The following BRCA2 variants were observed in gnomAD, a reference collection of about 807,000 sequenced individuals.
BRCA2 encodes BRCA2 DNA repair associated.
BRCA2 carries 203 observed loss-of-function variants against 276.7 expected under a neutral mutation model. The ratio of observed to expected loss-of-function variants is 0.73; its 90% CI spans 0.65 to 0.82. The LOEUF is 0.82. BRCA2 is among the 40% of genes least tolerant of loss of function. BRCA2 has a pLI of 0.00. For synonymous variants in BRCA2, 1,289 were observed against 1,338.4 expected (o/e 0.96, Z 0.81); for missense variants, 3,920 against 3,915.0 (o/e 1.00, Z -0.03).
chr13:32,356,765 A>G (rs1330278645), intron 15 of BRCA2, among the ~76,000 whole-genome samples, 156 bp downstream of exon 15: 2 of 152,256 alleles, frequency 1.3e-5, no homozygotes, highest in Non-Finnish European at 2.9e-5. Flanking sequence ...CTGCAGTGGC[A>G]GCCTCTGGCC....
chr13:32,329,554 A>C, intron 8 of BRCA2, 62 bp downstream of exon 8: 1 of 1,258,078 alleles, frequency 7.9e-7, no homozygotes, highest in Non-Finnish European at 1.1e-6. Flanking sequence ...ATGCCTTGTT[A>C]AATTATTTAT....
In BRCA2 at chr13:32,326,604, G is replaced by C. The variant is rs1593887544; in HGVS notation, c.622G>C (p.Val208Leu). Reference sequence around the variant, plus strand: ...TACACCACCCACCCTTAGTTCTACTGTGCTCATAGGTAATAATAGCAAATG... The same window carrying C: ...TACACCACCCACCCTTAGTTCTACTCTGCTCATAGGTAATAATAGCAAATG... ...LATPPTLSST[V>L]LIVRNEEASE... Residue 208 changes from valine (V) to leucine (L), a missense_variant, in exon 7 of 27, where the codon GTG becomes CTG. Coordinates refer to ENST00000380152, the MANE Select transcript of BRCA2 (RefSeq NM_000059.4). 1 of 1,596,570 alleles carries C rather than the reference G, an allele frequency of 6.3e-7. No homozygotes were observed. Among genetic ancestry groups the C allele is most frequent in the Non-Finnish European group, 8.6e-7 (1 of 1,164,268 alleles).
chr13:32,363,724 C>A (rs2072762792), intron 18 of BRCA2, among the ~76,000 whole-genome samples, 191 bp downstream of exon 18: 1 of 152,170 alleles, frequency 6.6e-6, no homozygotes, highest in Admixed American at 6.5e-5. Context: ...AGAGATCTTT[C>A]TTGAGCTTAA....
intron 16 of BRCA2, 66 bp from the exon 17 acceptor site, chr13:32,362,457 G>A (rs2072743438): frequency 1.4e-6 from 2 of 1,429,760 alleles, no homozygotes; most frequent in Non-Finnish European, 9.8e-7. Context: ...GAGAATAGTT[G>A]TAGTTGTTGA....
intron 18 of BRCA2, among the ~76,000 whole-genome samples, chr13:32,363,924 A>G (rs1264479411): frequency 6.6e-6 from 1 of 152,190 alleles, no homozygotes; most frequent in East Asian, 1.9e-4. Flanking sequence ...TAGATTTTAA[A>G]CTACATAACA....
chr13:32,351,229 C>T (rs146964887), intron 13 of BRCA2, among the ~76,000 whole-genome samples: 23 of 152,264 alleles, frequency 1.5e-4, no homozygotes, highest in African/African-American at 4.8e-4. Flanking sequence ...ACACTCACCA[C>T]GAAGGTCTGC....
chr13:32,393,259 A>T (rs953728135), intron 24 of BRCA2, among the ~76,000 whole-genome samples: 14 of 152,170 alleles, frequency 9.2e-5, no homozygotes, highest in Non-Finnish European at 1.9e-4. Flanking sequence ...TCATCAGTTG[A>T]TTTTGTTTGC....
intron 20 of BRCA2, among the ~76,000 whole-genome samples, chr13:32,374,847 A>G (rs962232074): frequency 8.5e-5 from 13 of 152,182 alleles, no homozygotes; most frequent in Admixed American, 2.6e-4. Context: ...GGTTATCGGT[A>G]TAGCAGTCCC....
At chr13:32,381,436 C>G (rs992763650) in intron 24 of BRCA2, among the ~76,000 whole-genome samples, 4 of 151,958 alleles carry the variant, frequency 2.6e-5, no homozygotes, top group African/African-American at 9.7e-5. Flanking sequence ...AGGAGAGAGA[C>G]CTCCCTGGAA....
At position 32,339,615 on chromosome 13, in the gene BRCA2, G is replaced by C. The variant is rs771571938; in HGVS notation, c.5260G>C (p.Asp1754His). The C allele has an allele frequency of 6.2e-7, 1 of 1,611,710 alleles. No homozygotes were observed. The highest frequency in any genetic ancestry group is 8.5e-7 in the Non-Finnish European group (1 of 1,178,322). ...SMSNSYSYHS[D>H]EVYNDSGYLS... Reference sequence around the variant, plus strand: ...GTCTAACAGCTATTCCTACCATTCTGATGAGGTATATAATGATTCAGGATA... The same window carrying C: ...GTCTAACAGCTATTCCTACCATTCTCATGAGGTATATAATGATTCAGGATA... Residue 1754 changes from aspartate (D) to histidine (H), a missense_variant, in exon 11 of 27, where the codon GAT (aspartate) becomes CAT (histidine). Asp to His is a moderately conservative substitution (Grantham distance 81). Coordinates refer to ENST00000380152, the MANE Select transcript of BRCA2 (RefSeq NM_000059.4).
chr13:32,320,290 C>G (rs1376371674), intron 3 of BRCA2, among the ~76,000 whole-genome samples: 1 of 152,202 alleles, frequency 6.6e-6, no homozygotes, highest in African/African-American at 2.4e-5. Flanking sequence ...AACCTTAGAT[C>G]ACCTCCCTTT....
intron 26 of BRCA2, among the ~76,000 whole-genome samples, chr13:32,397,361 TG>T (rs1202886251): frequency 6.6e-6 from 1 of 152,234 alleles, no homozygotes; most frequent in Non-Finnish European, 1.5e-5. Flanking sequence ...GCTATTTAAG[TG>T]GTTAAATCAC....
In BRCA2 at chr13:32,347,391, A is replaced by T. The variant is rs189109349; in HGVS notation, c.7007+495A>T. Among the ~76,000 whole-genome samples the T allele has an allele frequency of 2.4e-3, 360 of 152,316 alleles. 1 individual carries two copies. The highest frequency in any genetic ancestry group is 8.2e-3 in the African/African-American group (342 of 41,568). ...AAACAGAGATGCTTTCCCCTAAAAA[A>T]CCTGAAAAAGATTCAAATTGGCAGC... On this transcript the variant is annotated intron_variant, in intron 13 of 26. Transcript: ENST00000380152.
Position 32,365,412 on chromosome 13 carries a change from C to G in BRCA2, c.8331+1879C>G, listed in dbSNP as rs1476880176. 2.6e-5 allele frequency among the ~76,000 whole-genome samples: 4 copies of G among 152,036 alleles called. No individual in the cohort carries two copies. In the East Asian group the frequency reaches 7.7e-4, roughly 29 times the overall value. ...TATTTATTTTTGAGACAAAGTCTCG[C>G]TCTTGTTGCCCAGGCTGGAGTGCAA... is the stretch of plus-strand genomic sequence containing the variant. On this transcript the variant is annotated intron_variant, in intron 18 of 26. Coordinates refer to ENST00000380152, the MANE Select transcript of BRCA2 (RefSeq NM_000059.4).
intron 24 of BRCA2, among the ~76,000 whole-genome samples, chr13:32,394,161 G>T (rs554536880): frequency 2.0e-5 from 3 of 152,148 alleles, no homozygotes; most frequent in Admixed American, 2.0e-4. Flanking sequence ...ACCATTGTTT[G>T]GATGTACCAC....
At chr13:32,356,324 C>T in intron 14 of BRCA2, 104 bp from the exon 15 acceptor site, 1 of 1,167,600 alleles carries the variant, frequency 8.6e-7, no homozygotes, top group Non-Finnish European at 1.3e-6. Context: ...CCCGCCTCAG[C>T]CTCCCAAAGT....
rs397507294 is a variant in BRCA2 at position 32,337,182 on chromosome 13, A to G, written c.2827A>G (p.Ile943Val). 3.7e-6 allele frequency: 6 copies of G among 1,613,788 alleles called. No individual in the cohort carries two copies. The highest frequency in any genetic ancestry group is 2.2e-5 in the East Asian group (1 of 44,830). ...TGATAAACAAGCAACCCAAGTGTCA[A>G]TTAAAAAAGATTTGGTTTATGTTCT... ...TGDKQATQVSIKKDLVYVLAE... is the reference protein window; with the variant it reads ...TGDKQATQVSVKKDLVYVLAE... The change falls in exon 11 of 27, where the codon ATT (isoleucine) becomes GTT (valine). Residue 943 changes from isoleucine to valine, a missense_variant. Around this residue, in one of 2 missense-constraint regions of BRCA2, gnomAD observed 3,263 missense variants for 3,156.9 expected, o/e 1.03. Coordinates refer to ENST00000380152, the MANE Select transcript of BRCA2 (RefSeq NM_000059.4).
Position 32,329,702 on chromosome 13 carries a change from G to A in BRCA2, c.681+210G>A, listed in dbSNP as rs556935136. On this transcript the variant is annotated intron_variant, in intron 8 of 26. Transcript: ENST00000380152. ...AAGTTGCATATATACAATATATACC[G>A]TAGTCCCCTATTCATGGGGTATACA... 5.9e-5 allele frequency among the ~76,000 whole-genome samples: 9 copies of A among 152,040 alleles called. 1 individual carries two copies. The highest frequency in any genetic ancestry group is 1.9e-4 in the African/African-American group (8 of 41,460).
Position 32,336,936 on chromosome 13 carries a change from C to CA in BRCA2, c.2588dup (p.Asn863LysfsTer18), listed in dbSNP as rs80359335. 5.0e-6 allele frequency: 8 copies of CA among 1,590,738 alleles called. No individual in the cohort carries two copies. Among genetic ancestry groups the CA allele is most frequent in the East Asian group, 2.2e-5 (1 of 44,750 alleles). ...CCAAAACACAAATCTAAGAGTAATC[C>CA]AAAAAAATCAAGAAGAAACTACTTC... is the stretch of plus-strand genomic sequence containing the variant. On this transcript the variant is annotated frameshift_variant, in exon 11 of 27. Transcript: ENST00000380152. LOFTEE classifies it high-confidence loss of function.
Sources: allele counts gnomAD v4.1 joint callset (sites outside exome capture counted in the v4.1 genomes callset), GRCh38; gene constraint gnomAD v4.1.1; regional missense constraint gnomAD v4.1.1; transcripts MANE v1.5; gene names NCBI Gene and HGNC (gene_info 2026-07-23, HGNC 2026-07-21).